Variants in MACROD2 observed in about 807,000 individuals in gnomAD.
MACROD2 encodes the protein ADP-ribose glycohydrolase MACROD2.
MACROD2 carries 36 observed loss-of-function variants against 70.4 expected under a neutral mutation model. The observed-to-expected ratio is 0.51, with a 90% CI of 0.39 to 0.68. The LOEUF is 0.68. Ranked by LOEUF, MACROD2 falls within the 30% of genes least tolerant of loss-of-function variation. MACROD2 has a pLI of 0.00. For missense variants in MACROD2, 496 were observed against 538.4 expected (o/e 0.92, Z 0.78); for synonymous variants, 172 against 178.8 (o/e 0.96, Z 0.30).
chr20:14,428,733 G>A (rs1264489617), intron 3 of MACROD2, among the ~76,000 whole-genome samples: 1 of 152,166 alleles, frequency 6.6e-6, no homozygotes, highest in Non-Finnish European at 1.5e-5. Context: ...TAATGGAATT[G>A]TACACTTATT....
chr20:15,698,918 T>A (rs2050414901), intron 8 of MACROD2, among the ~76,000 whole-genome samples: 1 of 152,200 alleles, frequency 6.6e-6, no homozygotes, highest in African/African-American at 2.4e-5. Context: ...ATCCAAAGCT[T>A]CCTGAATTTT....
chr20:15,499,959 C>CCAAAG, intron 8 of MACROD2, 112 bp downstream of exon 8: 1 of 929,004 alleles, frequency 1.1e-6, no homozygotes, highest in Non-Finnish European at 1.7e-6. Context: ...AGTCATTGAG[C>CCAAAG]CAAACCTAGC....
intron 5 of MACROD2, among the ~76,000 whole-genome samples, chr20:14,922,817 G>A (rs1381657316): frequency 6.6e-6 from 1 of 152,064 alleles, no homozygotes; most frequent in Non-Finnish European, 1.5e-5. Flanking sequence ...TCCTTTTATT[G>A]AGTAATTTCC....
At chr20:15,909,298 G>C (rs1198190422) in intron 10 of MACROD2, among the ~76,000 whole-genome samples, 1 of 152,132 alleles carries the variant, frequency 6.6e-6, no homozygotes, top group Non-Finnish European at 1.5e-5. Context: ...AAGAGAAAGA[G>C]CTTGTTATTC....
At chr20:15,721,772 A>G (rs1307071386) in intron 8 of MACROD2, among the ~76,000 whole-genome samples, 2 of 152,160 alleles carry the variant, frequency 1.3e-5, no homozygotes, top group Non-Finnish European at 2.9e-5. Flanking sequence ...GAGTGCATAG[A>G]ATGTATCTGA....
intron 5 of MACROD2, among the ~76,000 whole-genome samples, chr20:15,087,418 G>A (rs2075756985): frequency 6.6e-6 from 1 of 151,902 alleles, no homozygotes; most frequent in African/African-American, 2.4e-5. Flanking sequence ...AAGTTTGCAT[G>A]GAAATATAAT....
chr20:15,095,619 G>A lies in MACROD2; in HGVS notation c.419-134321G>A, dbSNP rs189242090. ...TGCAAGCTCCGCCTCCCGGGTTCACGCCATTCTCCTGCCTCAGCCTCCCGA... is the reference window on the plus strand; with the variant it reads ...TGCAAGCTCCGCCTCCCGGGTTCACACCATTCTCCTGCCTCAGCCTCCCGA... On this transcript the variant is annotated intron_variant, in intron 5 of 17. Coordinates refer to ENST00000684519, the MANE Select transcript of MACROD2 (RefSeq NM_001351661.2). 4.8e-4 allele frequency among the ~76,000 whole-genome samples: 73 copies of A among 152,112 alleles called. No homozygotes were observed. In the East Asian group the frequency reaches 8.7e-3, roughly 18 times the overall value.
chr20:15,734,519 T>C (rs2050992236), intron 8 of MACROD2, among the ~76,000 whole-genome samples: 1 of 152,160 alleles, frequency 6.6e-6, no homozygotes, highest in Non-Finnish European at 1.5e-5. Context: ...TAATAAATTT[T>C]CTGTGAAATA....
intron 8 of MACROD2, among the ~76,000 whole-genome samples, chr20:15,715,197 C>T (rs2050690712): frequency 6.6e-6 from 1 of 151,858 alleles, no homozygotes; most frequent in Non-Finnish European, 1.5e-5. Context: ...AACCAGTTCA[C>T]TTTGGATTAT....
intron 8 of MACROD2, among the ~76,000 whole-genome samples, chr20:15,516,672 C>G (rs1277814183): frequency 1.3e-5 from 2 of 152,104 alleles, no homozygotes; most frequent in African/African-American, 2.4e-5. Flanking sequence ...AATCCAAATG[C>G]CTGTCTTACC....
At chr20:14,475,173 C>T (rs2084576687) in intron 3 of MACROD2, among the ~76,000 whole-genome samples, 1 of 151,836 alleles carries the variant, frequency 6.6e-6, no homozygotes, top group Non-Finnish European at 1.5e-5. Flanking sequence ...AAGCATCTTA[C>T]AGTTATAACA....
chr20:14,013,432 C>T (rs1236301996), intron 2 of MACROD2, among the ~76,000 whole-genome samples: 2 of 151,740 alleles, frequency 1.3e-5, no homozygotes, highest in African/African-American at 4.8e-5. Context: ...GCCACCATGC[C>T]CGGCTAATTT....
rs77881049 is a variant in MACROD2 at position 15,371,239 on chromosome 20, C to T, written c.541-60166C>T. 3.9e-5 allele frequency among the ~76,000 whole-genome samples: 6 copies of T among 152,202 alleles called. No homozygotes were observed. In the East Asian group the frequency reaches 9.6e-4, roughly 24 times the overall value. ...TAAGATAGTTTGATGATTGGCTGGG[C>T]TCTTCATCACGGCTTGCCTTTCAGT... On this transcript the variant is annotated intron_variant, in intron 6 of 17. Transcript: ENST00000684519.
intron 5 of MACROD2, among the ~76,000 whole-genome samples, chr20:14,705,919 T>C (rs2071264014): frequency 6.6e-6 from 1 of 152,022 alleles, no homozygotes; most frequent in African/African-American, 2.4e-5. Context: ...TCTCTTCCTC[T>C]CTCTCTTTTT....
At chr20:14,057,488 A>G (rs781412510) in intron 2 of MACROD2, among the ~76,000 whole-genome samples, 28 of 152,298 alleles carry the variant, frequency 1.8e-4, no homozygotes, top group Middle Eastern at 3.4e-3. Flanking sequence ...AAGACATAAT[A>G]TTAACACTCA....
At position 14,801,562 on chromosome 20, in the gene MACROD2, T is replaced by C. The variant is rs185269155; in HGVS notation, c.418+116603T>C. Among the ~76,000 whole-genome samples, 11 of 152,212 alleles carry C rather than the reference T, an allele frequency of 7.2e-5. No homozygotes were observed. The East Asian group carries it at 1.9e-3, about 27-fold the overall frequency. ...CAGTAATAGCTACAATGGCAATATA[T>C]ATTGACCTTCTGCTAAGGCATGTTT... On this transcript the variant is annotated intron_variant, in intron 5 of 17. Coordinates refer to ENST00000684519, the MANE Select transcript of MACROD2 (RefSeq NM_001351661.2).
intron 5 of MACROD2, among the ~76,000 whole-genome samples, chr20:14,974,258 C>T (rs942248702): frequency 1.3e-5 from 2 of 152,128 alleles, no homozygotes; most frequent in Non-Finnish European, 2.9e-5. Context: ...AATACTGCCA[C>T]TGTGGGGATT....
intron 5 of MACROD2, among the ~76,000 whole-genome samples, chr20:14,704,598 C>G (rs1425911677): frequency 6.6e-6 from 1 of 152,164 alleles, no homozygotes; most frequent in Non-Finnish European, 1.5e-5. Flanking sequence ...CTATTCAAAT[C>G]CTGCCTGTTT....
intron 8 of MACROD2, among the ~76,000 whole-genome samples, chr20:15,650,771 A>G (rs543089068): frequency 1.3e-5 from 2 of 152,292 alleles, no homozygotes; most frequent in Admixed American, 6.5e-5. Flanking sequence ...CCTAGTATGC[A>G]AAAGATGCTA....
Sources: gnomAD v4.1 joint callset for allele counts (sites outside exome capture counted in the v4.1 genomes callset) on GRCh38, gnomAD v4.1.1 for gene constraint, MANE v1.5 for transcripts, NCBI Gene and HGNC (gene_info 2026-07-23, HGNC 2026-07-21) for gene names.